Variants in CTNND2 observed in about 807,000 individuals in gnomAD.
The protein encoded by CTNND2 is catenin delta 2, also known as catenin delta-2.
CTNND2 carries 22 observed loss-of-function variants against 144.4 expected under a neutral mutation model. That is an observed-to-expected ratio of 0.15 (90% CI 0.11 to 0.22). The LOEUF is 0.22. Ranked by LOEUF, CTNND2 falls within the 10% of genes least tolerant of loss-of-function variation. The probability of loss-of-function intolerance (pLI) is 1.00; values close to 1 mark genes in which losing one functional copy is unlikely to be tolerated. For missense variants in CTNND2, 1,353 were observed against 1,618.8 expected, an observed-to-expected ratio of 0.84 and a Z score of 2.82; for synonymous variants, 751 against 695.6, an observed-to-expected ratio of 1.08 and a Z score of -1.25.
At chr5:11,740,181 A>G (rs1044415539) in intron 1 of CTNND2, among the ~76,000 whole-genome samples, 1 of 152,220 alleles carries the variant, frequency 6.6e-6, no homozygotes, top group African/African-American at 2.4e-5. Flanking sequence ...CAGAATTGGA[A>G]AAAACTACTT....
At chr5:11,604,216 A>G (rs73054086) in intron 2 of CTNND2, among the ~76,000 whole-genome samples, 3,453 of 152,292 alleles carry the variant, frequency 0.023, 133 homozygotes, top group African/African-American at 0.079. Context: ...TTGGAATAAA[A>G]ACAGTGTTTC....
chr5:11,221,714 A>G (rs1239728584), intron 10 of CTNND2, among the ~76,000 whole-genome samples: 1 of 152,230 alleles, frequency 6.6e-6, no homozygotes, highest in Non-Finnish European at 1.5e-5. Context: ...AACGTCTGGA[A>G]GGGAAAAATC....
At chr5:11,779,015 A>G (rs764864680) in intron 1 of CTNND2, among the ~76,000 whole-genome samples, 18 of 152,238 alleles carry the variant, frequency 1.2e-4, no homozygotes, top group Non-Finnish European at 2.2e-4. Flanking sequence ...TATCTTTAAA[A>G]TTAGAACATA....
chr5:11,048,346 C>T (rs938253033), intron 16 of CTNND2, among the ~76,000 whole-genome samples: 2 of 152,202 alleles, frequency 1.3e-5, no homozygotes, highest in Non-Finnish European at 2.9e-5. Flanking sequence ...TAGCTGCCTT[C>T]AGAGATTTAC....
At chr5:11,583,549 G>A (rs1229848381) in intron 2 of CTNND2, among the ~76,000 whole-genome samples, 2 of 152,094 alleles carry the variant, frequency 1.3e-5, no homozygotes, top group African/African-American at 2.4e-5. Context: ...ATTACTTAGC[G>A]TAAATTTTCA....
chr5:11,628,450 C>T (rs1481612410), intron 2 of CTNND2, among the ~76,000 whole-genome samples: 1 of 152,138 alleles, frequency 6.6e-6, no homozygotes, highest in Non-Finnish European at 1.5e-5. Flanking sequence ...AATTGAAACT[C>T]AGAGGGCAGA....
intron 1 of CTNND2, among the ~76,000 whole-genome samples, chr5:11,883,798 C>G (rs1360392364): frequency 6.6e-6 from 1 of 152,220 alleles, no homozygotes; most frequent in Admixed American, 6.5e-5. Context: ...CTCCCAACAA[C>G]AGTGTAAAAG....
At chr5:11,637,652 A>G (rs1781781511) in intron 2 of CTNND2, among the ~76,000 whole-genome samples, 1 of 152,232 alleles carries the variant, frequency 6.6e-6, no homozygotes, top group Non-Finnish European at 1.5e-5. Flanking sequence ...TGACATTTAT[A>G]TTTTAGTAAC....
chr5:11,199,500 C>T lies in CTNND2; in HGVS notation c.1923G>A (p.Leu641=). ...ALKNCGGIPA[L]VRLLRKTTDL... is the part of the protein sequence containing the mutation. ...CAGTCGTCTTGCGGAGTAACCTCAC[C>T]AGTGCTGGGATGCCACCACAGTTTT... Residue 641 remains leucine (L), a synonymous_variant, in exon 11 of 22, where the codon CTG becomes CTA. Coordinates refer to ENST00000304623, the MANE Select transcript of CTNND2 (RefSeq NM_001332.4). The T allele has an allele frequency of 6.2e-7, 1 of 1,614,202 alleles. No homozygotes were observed. Among genetic ancestry groups the T allele is most frequent in the Non-Finnish European group, 8.5e-7 (1 of 1,180,038 alleles).
intron 2 of CTNND2, among the ~76,000 whole-genome samples, chr5:11,618,901 A>G (rs1481057608): frequency 6.6e-6 from 1 of 152,214 alleles, no homozygotes; most frequent in Non-Finnish European, 1.5e-5. Context: ...ATTTGAGGAA[A>G]CATAATTAAG....
At chr5:11,763,768 T>C (rs763040613) in intron 1 of CTNND2, among the ~76,000 whole-genome samples, 1 of 152,054 alleles carries the variant, frequency 6.6e-6, no homozygotes, top group African/African-American at 2.4e-5. Flanking sequence ...ATGAGTACAG[T>C]GGAAATTAGT....
intron 9 of CTNND2, among the ~76,000 whole-genome samples, chr5:11,329,118 T>C (rs1444696074): frequency 6.6e-6 from 1 of 152,184 alleles, no homozygotes; most frequent in Non-Finnish European, 1.5e-5. Context: ...CCTATTGAAT[T>C]GGGGCTCACC....
chr5:11,786,763 T>C (rs1790860289), intron 1 of CTNND2, among the ~76,000 whole-genome samples: 1 of 152,240 alleles, frequency 6.6e-6, no homozygotes, highest in African/African-American at 2.4e-5. Context: ...CACACTTATC[T>C]TGAATTATCC....
At chr5:11,358,847 C>T (rs373567923) in intron 8 of CTNND2, among the ~76,000 whole-genome samples, 3 of 152,246 alleles carry the variant, frequency 2.0e-5, no homozygotes, top group African/African-American at 7.2e-5. Flanking sequence ...AGCAAGTTTG[C>T]TCCTTGCAAC....
At chr5:11,892,729 C>T (rs528894064) in intron 1 of CTNND2, among the ~76,000 whole-genome samples, 18 of 151,936 alleles carry the variant, frequency 1.2e-4, no homozygotes, top group African/African-American at 4.1e-4. Context: ...AATCCCAGCC[C>T]ACCACATCTC....
In CTNND2 at chr5:11,018,174, A is replaced by G. The variant is rs956805900; in HGVS notation, c.3000-116T>C. 1.4e-4 allele frequency: 95 copies of G among 699,180 alleles called. No individual in the cohort carries two copies. The South Asian group carries it at 1.6e-3, about 11-fold the overall frequency. 43.3% of individuals were successfully genotyped at this position (699,180 alleles called of 1,614,324 possible). ...ATTATTATATCTATTATGGTGATCT[A>G]TGATCAGTGCTCCCTGATATTACTA... On this transcript the variant is annotated intron_variant, in intron 17 of 21. Coordinates refer to ENST00000304623, the MANE Select transcript of CTNND2 (RefSeq NM_001332.4).
intron 2 of CTNND2, among the ~76,000 whole-genome samples, chr5:11,700,782 T>C (rs748715025): frequency 6.6e-6 from 1 of 152,122 alleles, no homozygotes; most frequent in South Asian, 2.1e-4. Flanking sequence ...AAAGAAGAGA[T>C]AAGACCTTGA....
At position 11,323,235 on chromosome 5, in the gene CTNND2, G is replaced by C. The variant is rs1020542497; in HGVS notation, c.1628+23137C>G. 4.1e-5 allele frequency among the ~76,000 whole-genome samples: 6 copies of C among 147,016 alleles called. 1 individual carries two copies. The highest frequency in any genetic ancestry group is 1.5e-4 in the African/African-American group (6 of 40,614). Reference sequence around the variant, plus strand: ...AAAACAAAAACATTTAGAGATTGGGGGGGGGGGTCTCACTATATTGCCCAG... The same window carrying C: ...AAAACAAAAACATTTAGAGATTGGGCGGGGGGGTCTCACTATATTGCCCAG... On this transcript the variant is annotated intron_variant, in intron 9 of 21. Coordinates refer to ENST00000304623, the MANE Select transcript of CTNND2 (RefSeq NM_001332.4).
intron 12 of CTNND2, among the ~76,000 whole-genome samples, chr5:11,134,111 C>T (rs1478015715): frequency 6.6e-6 from 1 of 152,072 alleles, no homozygotes; most frequent in East Asian, 1.9e-4. Context: ...AAGGGTCAGA[C>T]TGAGAGATGT....
Sources: allele counts gnomAD v4.1 joint callset (sites outside exome capture counted in the v4.1 genomes callset), GRCh38; gene constraint gnomAD v4.1.1; transcripts MANE v1.5; gene names NCBI Gene and HGNC (gene_info 2026-07-23, HGNC 2026-07-21).